Variants in SRC observed in about 807,000 individuals in gnomAD.
SRC encodes SRC proto-oncogene, non-receptor tyrosine kinase, also known as proto-oncogene tyrosine-protein kinase Src.
In SRC, 13 loss-of-function variants were observed where a neutral mutation model predicts 62.9. That is an observed-to-expected ratio of 0.21 (90% CI 0.13 to 0.33). The LOEUF is 0.33. SRC is among the 10% of genes least tolerant of loss of function. The probability of loss-of-function intolerance (pLI) is 1.00; values close to 1 mark genes in which losing one functional copy is unlikely to be tolerated. For synonymous variants in SRC, 302 were observed against 317.5 expected (o/e 0.95, Z 0.52); for missense variants, 457 against 737.3 (o/e 0.62, Z 4.40).
intron 9 of SRC, among the ~76,000 whole-genome samples, 190 bp from the exon 10 acceptor site, chr20:37,399,925 G>A (rs1370217092): frequency 2.0e-5 from 3 of 152,224 alleles, no homozygotes; most frequent in Non-Finnish European, 4.4e-5. Flanking sequence ...GCCATGAGGA[G>A]CACCCTGTCA....
Position 37,384,083 on chromosome 20 carries a change from G to A in SRC, c.-4-67G>A. ...GTTTTCCCTATCTGTGGAATGGGTG[G>A]GAGGGAGGCCGGCCAAGGGGCCCCG... On this transcript the variant is annotated intron_variant, in intron 3 of 13. Transcript: ENST00000373578. This position sits in a 1 kb window ranked among gnomAD's most constrained non-coding sequence, Gnocchi z 6.7. 1.9e-6 allele frequency: 3 copies of A among 1,568,640 alleles called. No individual in the cohort carries two copies. The South Asian group carries it at 3.4e-5, about 18-fold the overall frequency.
At chr20:37,353,930 C>G (rs1251946862) in intron 1 of SRC, among the ~76,000 whole-genome samples, 1 of 152,188 alleles carries the variant, frequency 6.6e-6, no homozygotes, top group Non-Finnish European at 1.5e-5. Flanking sequence ...CCTCAGTTTC[C>G]CCATCTGAAA....
chr20:37,401,085 C>T (rs186994152), intron 10 of SRC, among the ~76,000 whole-genome samples: 2 of 152,262 alleles, frequency 1.3e-5, no homozygotes, highest in African/African-American at 4.8e-5. Context: ...CAGCCTTGAC[C>T]TCCCAGGCTC....
intron 1 of SRC, among the ~76,000 whole-genome samples, chr20:37,361,873 A>C (rs1481084141): frequency 8.1e-5 from 6 of 74,302 alleles, no homozygotes; most frequent in African/African-American, 1.9e-4. Flanking sequence ...GTAGAGATGT[A>C]GAGATGCCGG....
intron 2 of SRC, among the ~76,000 whole-genome samples, chr20:37,381,288 AG>A (rs1242760771): frequency 6.6e-6 from 1 of 152,166 alleles, no homozygotes; most frequent in Non-Finnish European, 1.5e-5. Context: ...TGCAGGGGTC[AG>A]GGGTTGTGTC....
At chr20:37,355,237 C>A (rs1362423641) in intron 1 of SRC, among the ~76,000 whole-genome samples, 1 of 152,054 alleles carries the variant, frequency 6.6e-6, no homozygotes, top group African/African-American at 2.4e-5. Context: ...CCTGCCCTCC[C>A]CACCCCCACC....
chr20:37,354,273 C>T (rs1347478926), intron 1 of SRC, among the ~76,000 whole-genome samples: 1 of 152,178 alleles, frequency 6.6e-6, no homozygotes, highest in Admixed American at 6.5e-5. Context: ...TGGGTTGAAG[C>T]CTCCTTGTCC....
chr20:37,384,481 C>T lies in SRC; in HGVS notation c.250+78C>T. On this transcript the variant is annotated intron_variant, in intron 4 of 13. Coordinates refer to ENST00000373578, the MANE Select transcript of SRC (RefSeq NM_198291.3). This position sits in a 1 kb window ranked among gnomAD's most constrained non-coding sequence, Gnocchi z 6.7. ...GGCGGCGGGGCTGTGTGCCCGGGGT[C>T]GCCCCCTCTGCGCAGGCCCTTCCTC... 1 of 1,275,098 alleles carries T rather than the reference C, an allele frequency of 7.8e-7. No individual in the cohort carries two copies. Among genetic ancestry groups the T allele is most frequent in the South Asian group, 2.6e-5 (1 of 38,602 alleles). The allele number at this position is 1,275,098 out of a possible 1,614,324, so 79.0% of individuals were successfully genotyped here.
At chr20:37,354,402 G>A (rs187127633) in intron 1 of SRC, among the ~76,000 whole-genome samples, 1 of 152,236 alleles carries the variant, frequency 6.6e-6, no homozygotes, top group African/African-American at 2.4e-5. Flanking sequence ...GACTGGGTAC[G>A]GTCATCTCCA....
Position 37,403,188 on chromosome 20 carries a change from G to C in SRC, c.1420G>C (p.Val474Leu). ...GCCCACAGGGATGGTGAACCGCGAG[G>C]TGCTGGACCAGGTGGAGCGGGGCTA... Reference protein sequence around the residue: ...VPYPGMVNREVLDQVERGYRM... With the variant: ...VPYPGMVNRELLDQVERGYRM... Residue 474 changes from valine to leucine, a missense_variant, in exon 14 of 14, where the codon GTG becomes CTG. Val to Leu is a conservative substitution (Grantham distance 32, BLOSUM62 1). Coordinates refer to ENST00000373578, the MANE Select transcript of SRC (RefSeq NM_198291.3). The surrounding 1 kb of genome is among the most constrained non-coding windows in gnomAD (Gnocchi z 7.1). 6.4e-7 allele frequency: 1 copy of C among 1,552,818 alleles called. No individual in the cohort carries two copies. The highest frequency in any genetic ancestry group is 8.7e-7 in the Non-Finnish European group (1 of 1,153,252).
intron 2 of SRC, among the ~76,000 whole-genome samples, chr20:37,370,661 A>G (rs2070148603): frequency 6.6e-6 from 1 of 152,206 alleles, no homozygotes. Context: ...TGCTGGATCC[A>G]GTTTTCTAGT....
intron 2 of SRC, among the ~76,000 whole-genome samples, chr20:37,375,422 A>C (rs1423735335): frequency 6.6e-6 from 1 of 151,924 alleles, no homozygotes; most frequent in East Asian, 1.9e-4. Context: ...TTTTTGGTAG[A>C]AATGGGGTTT....
chr20:37,372,728 G>A (rs1043527808), intron 2 of SRC, among the ~76,000 whole-genome samples: 16 of 151,862 alleles, frequency 1.1e-4, no homozygotes, highest in Admixed American at 7.2e-4. Context: ...ATATGTTTGC[G>A]AGCCATTTGT....
chr20:37,377,745 A>G (rs1315729263), intron 2 of SRC, among the ~76,000 whole-genome samples: 1 of 152,260 alleles, frequency 6.6e-6, no homozygotes, highest in Non-Finnish European at 1.5e-5. Flanking sequence ...AATCATGACA[A>G]AGTCATTTCT....
rs769916129 is a variant in SRC at position 37,396,282 on chromosome 20, G to T, written c.674G>T (p.Ser225Ile). The T allele has an allele frequency of 6.2e-7, 1 of 1,613,802 alleles. No individual in the cohort carries two copies. Among genetic ancestry groups the T allele is most frequent in the Non-Finnish European group, 8.5e-7 (1 of 1,179,994 alleles). The change falls in exon 8 of 14, where the codon AGC becomes ATC. Residue 225 changes from serine to isoleucine, a missense_variant. Ser to Ile is a moderately radical substitution (Grantham distance 142). This residue lies in a region of SRC where 141 missense variants were observed against 198.4 expected (regional missense o/e 0.71). Coordinates refer to ENST00000373578, the MANE Select transcript of SRC (RefSeq NM_198291.3). This position sits in a 1 kb window ranked among gnomAD's most constrained non-coding sequence, Gnocchi z 6.1. ...ATCACCTCCCGCACCCAGTTCAACA[G>T]CCTGCAGCAGCTGGTGGCCTACTAC... ...FYITSRTQFNSLQQLVAYYSK... is the reference protein window; with the variant it reads ...FYITSRTQFNILQQLVAYYSK...
At chr20:37,385,369 C>T (rs1483590992) in intron 4 of SRC, among the ~76,000 whole-genome samples, 1 of 152,224 alleles carries the variant, frequency 6.6e-6, no homozygotes, top group Non-Finnish European at 1.5e-5. Flanking sequence ...ATGTGGAGCT[C>T]CTACTACAGG....
chr20:37,400,118 C>G lies in SRC; in HGVS notation c.863C>G (p.Thr288Ser). The change falls in exon 10 of 14, where the codon ACC becomes AGC. Residue 288 changes from threonine (T) to serine (S), a missense_variant. Coordinates refer to ENST00000373578, the MANE Select transcript of SRC (RefSeq NM_198291.3). ...AGCCTGCATCCCTCCTCAACAGGGACCTGGAACGGTACCACCAGGGTGGCC... is the reference window on the plus strand; with the variant it reads ...AGCCTGCATCCCTCCTCAACAGGGAGCTGGAACGGTACCACCAGGGTGGCC... Reference protein sequence around the residue: ...QGCFGEVWMGTWNGTTRVAIK... With the variant: ...QGCFGEVWMGSWNGTTRVAIK... The G allele has an allele frequency of 6.2e-7, 1 of 1,605,712 alleles. No individual in the cohort carries two copies. Among genetic ancestry groups the G allele is most frequent in the South Asian group, 1.1e-5 (1 of 90,226 alleles).
chr20:37,384,537 G>T lies in SRC; in HGVS notation c.250+134G>T, dbSNP rs1395584530. The T allele has an allele frequency of 3.6e-5, 37 of 1,033,544 alleles. No individual in the cohort carries two copies. Among genetic ancestry groups the T allele is most frequent in the Non-Finnish European group, 4.6e-5 (37 of 812,126 alleles). The allele number at this position is 1,033,544 out of a possible 1,614,324, so 64.0% of individuals were successfully genotyped here. On this transcript the variant is annotated intron_variant, in intron 4 of 13. Coordinates refer to ENST00000373578, the MANE Select transcript of SRC (RefSeq NM_198291.3). The surrounding 1 kb of genome is among the most constrained non-coding windows in gnomAD (Gnocchi z 6.7). The stretch of plus-strand genomic sequence containing the variant: ...AGGGGTAGCGCCCCTGGGTGACTTG[G>T]GTGTCCGGGGGGTGGGGGGGCGGCC...
In SRC at chr20:37,369,820, A is replaced by G. The variant is rs115665715; in HGVS notation, c.-173+4543A>G. 3.5e-3 allele frequency among the ~76,000 whole-genome samples: 533 copies of G among 150,192 alleles called. 6 individuals are homozygous for G. Among genetic ancestry groups the G allele is most frequent in the African/African-American group, 0.012 (510 of 40,846 alleles). On this transcript the variant is annotated intron_variant, in intron 2 of 13. Coordinates refer to ENST00000373578, the MANE Select transcript of SRC (RefSeq NM_198291.3). ...TCTTTTCTTTTTCTTTTTTTTTAAG[A>G]TGGGAGTCTCACTCTGTCACCCAGG... is the stretch of plus-strand genomic sequence containing the variant.
Sources: gnomAD v4.1 joint callset for allele counts (sites outside exome capture counted in the v4.1 genomes callset) on GRCh38, gnomAD v4.1.1 for gene constraint, gnomAD v4.1.1 regional missense constraint, Gnocchi (gnomAD v3.1) non-coding constraint, MANE v1.5 for transcripts, NCBI Gene and HGNC (gene_info 2026-07-23, HGNC 2026-07-21) for gene names.